STAU1: variants seen among roughly 807,000 people sequenced by gnomAD.
STAU1 encodes staufen double-stranded RNA binding protein 1, also known as double-stranded RNA-binding protein Staufen homolog 1.
STAU1 carries 13 observed loss-of-function variants against 62.9 expected under a neutral mutation model. The observed-to-expected ratio is 0.21, with a 90% CI of 0.13 to 0.33. STAU1 has a LOEUF of 0.33. Among genes scored for constraint, STAU1 ranks in the 10% least tolerant of loss-of-function variants. STAU1 has a pLI of 1.00. For missense variants in STAU1, 571 were observed against 712.1 expected (o/e 0.80, Z 2.25); for synonymous variants, 269 against 265.1 (o/e 1.01, Z -0.14).
intron 5 of STAU1, among the ~76,000 whole-genome samples, chr20:49,146,721 A>G (rs1344481620): frequency 1.3e-5 from 2 of 151,302 alleles, no homozygotes; most frequent in African/African-American, 2.4e-5. Context: ...AAAAAAAAGG[A>G]AAGAAAGAAA....
chr20:49,169,427 C>A (rs1303843349), intron 2 of STAU1, among the ~76,000 whole-genome samples: 1 of 152,174 alleles, frequency 6.6e-6, no homozygotes, highest in African/African-American at 2.4e-5. Flanking sequence ...AACTGTGGAA[C>A]TTTGGAAATA....
At chr20:49,125,492 T>C (rs535080174) in intron 6 of STAU1, among the ~76,000 whole-genome samples, 1 of 135,270 alleles carries the variant, frequency 7.4e-6, no homozygotes, top group Non-Finnish European at 1.5e-5. Context: ...ATCACAAAAC[T>C]GCACTCCAGC....
intron 2 of STAU1, 93 bp from the exon 3 acceptor site, chr20:49,166,378 T>C (rs2093526560): frequency 1.7e-6 from 1 of 600,278 alleles, no homozygotes. Flanking sequence ...ACCTACTGAC[T>C]TATGAAAATA....
At chr20:49,121,272 T>C (rs756085228) in intron 8 of STAU1, among the ~76,000 whole-genome samples, 7 of 151,948 alleles carry the variant, frequency 4.6e-5, no homozygotes, top group Non-Finnish European at 1.0e-4. Context: ...CTGGGCGTGA[T>C]GGTGGGCACC....
At chr20:49,203,739 T>C in the STAU1 span, among the ~76,000 whole-genome samples, 1 of 152,256 alleles carries the variant, frequency 6.6e-6, no homozygotes, top group Non-Finnish European at 1.5e-5. Flanking sequence ...CAGGATGGAA[T>C]GCAGTGGCAC....
the STAU1 span, among the ~76,000 whole-genome samples, chr20:49,215,036 G>A: frequency 2.0e-5 from 3 of 152,156 alleles, no homozygotes; most frequent in Non-Finnish European, 4.4e-5. Context: ...CTAGTCCAAG[G>A]CTTACATGGC....
rs1473893962 is a variant in STAU1, at chr20:49,145,622, C to T, written c.510+5960G>A. On this transcript the variant is annotated intron_variant, in intron 5 of 13. Coordinates refer to ENST00000371856, the MANE Select transcript of STAU1 (RefSeq NM_017453.4). ...GCACATGCCTGTAATCCCAGCTACT[C>T]GGGAGGCTATGGCAGGAGAATAGCT... Among the ~76,000 whole-genome samples the T allele has an allele frequency of 4.7e-5, 7 of 147,390 alleles. No individual in the cohort carries two copies. The South Asian group carries it at 8.7e-4, about 18-fold the overall frequency.
At chr20:49,183,209 T>C (rs1469217366) in intron 1 of STAU1, among the ~76,000 whole-genome samples, 1 of 152,200 alleles carries the variant, frequency 6.6e-6, no homozygotes, top group East Asian at 1.9e-4. Flanking sequence ...GTGAAACAAA[T>C]CTGTCATAAA....
chr20:49,113,733 G>C lies in STAU1; in HGVS notation c.*1145C>G, dbSNP rs6095441. ...CAACACAGCTGTATACAGAAACGTAGGTCATTCTTTTCAGCCCTAATGGAG... is the reference window on the plus strand; with the variant it reads ...CAACACAGCTGTATACAGAAACGTACGTCATTCTTTTCAGCCCTAATGGAG... On this transcript the variant is annotated 3_prime_UTR_variant, in exon 14 of 14. Transcript: ENST00000371856. 5 of 152,732 alleles carry C rather than the reference G, an allele frequency of 3.3e-5. No individual in the cohort carries two copies. Among genetic ancestry groups the C allele is most frequent in the South Asian group, 2.1e-4 (1 of 4,814 alleles). The allele number at this position is 152,732 out of a possible 1,614,324, so 9.5% of individuals were successfully genotyped here.
intron 1 of STAU1, among the ~76,000 whole-genome samples, chr20:49,181,733 T>A (rs932514126): frequency 1.7e-5 from 2 of 119,000 alleles, no homozygotes; most frequent in Non-Finnish European, 3.2e-5. Flanking sequence ...ACCTCTGCAT[T>A]CCAGCCTGGG....
the STAU1 span, among the ~76,000 whole-genome samples, chr20:49,196,458 A>AAAG: frequency 8.5e-4 from 128 of 149,838 alleles, no homozygotes; most frequent in Non-Finnish European, 1.2e-3. Flanking sequence ...AAAAAAAAAA[A>AAAG]AAGAAGAAGA....
chr20:49,158,904 AAAATAAAT>A (rs376969682), intron 3 of STAU1: 6 of 1,167,712 alleles, frequency 5.1e-6, no homozygotes, highest in Non-Finnish European at 5.7e-6. Flanking sequence ...CTCCATCTCA[AAAATAAAT>A]AAATAAATAA....
In STAU1 at chr20:49,115,841, C is replaced by G; in HGVS notation, c.1659G>C (p.Leu553=). The G allele has an allele frequency of 6.2e-7, 1 of 1,614,068 alleles. No individual in the cohort carries two copies. The highest frequency in any genetic ancestry group is 8.5e-7 in the Non-Finnish European group (1 of 1,180,000). Residue 553 remains leucine, a synonymous_variant, in exon 13 of 14, where the codon CTG becomes CTC. Transcript: ENST00000371856. ...DMAALNILKL[L]SELDQQSTEM... is the part of the protein sequence containing the mutation. ...CTGTACTTTGTTGGTCCAACTCAGA[C>G]AGCAACTTTAAGATGTTCAGCGCAG...
intron 5 of STAU1, among the ~76,000 whole-genome samples, chr20:49,147,329 C>T (rs1177472593): frequency 1.3e-5 from 2 of 152,198 alleles, no homozygotes; most frequent in Admixed American, 6.5e-5. Flanking sequence ...TCTAGCACAG[C>T]GCCTGGCATG....
chr20:49,137,630 A>G (rs1274598678), intron 5 of STAU1, among the ~76,000 whole-genome samples: 2 of 151,808 alleles, frequency 1.3e-5, no homozygotes, highest in Admixed American at 6.6e-5. Context: ...TCTGTTGTGC[A>G]TTTCCTTATG....
At chr20:49,124,314 C>G (rs2092540152) in intron 7 of STAU1, 61 bp downstream of exon 7, 1 of 1,560,596 alleles carries the variant, frequency 6.4e-7, no homozygotes, top group African/African-American at 1.4e-5. Context: ...GACCAGCCTT[C>G]TAAACCCCCC....
At chr20:49,173,059 G>C (rs1208269928) in intron 2 of STAU1, among the ~76,000 whole-genome samples, 1 of 151,452 alleles carries the variant, frequency 6.6e-6, no homozygotes, top group Non-Finnish European at 1.5e-5. Context: ...TTAGCCAGGA[G>C]GGTCTCGATC....
At chr20:49,212,044 A>C in the STAU1 span, among the ~76,000 whole-genome samples, 1 of 152,086 alleles carries the variant, frequency 6.6e-6, no homozygotes, top group Non-Finnish European at 1.5e-5. Flanking sequence ...GCTGGAGTGC[A>C]GTGGCACGGT....
At chr20:49,198,243 C>T in the STAU1 span, among the ~76,000 whole-genome samples, 1 of 152,108 alleles carries the variant, frequency 6.6e-6, no homozygotes, top group Non-Finnish European at 1.5e-5. Context: ...AGGCCGGGCG[C>T]GGTGGCTCAC....
Sources: allele counts gnomAD v4.1 joint callset (sites outside exome capture counted in the v4.1 genomes callset), GRCh38; gene constraint gnomAD v4.1.1; transcripts MANE v1.5; gene names NCBI Gene and HGNC (gene_info 2026-07-23, HGNC 2026-07-21).